The following CDH13 variants were observed in gnomAD, a reference collection of about 807,000 sequenced individuals.
The protein encoded by CDH13 is cadherin-13.
In CDH13, 24 loss-of-function variants were observed where a neutral mutation model predicts 63.8. The ratio of observed to expected loss-of-function variants is 0.38; its 90% CI spans 0.27 to 0.53. The LOEUF (loss-of-function observed/expected upper bound fraction) is 0.53, where lower values mean the gene tolerates loss of function less well. Ranked by LOEUF, CDH13 falls within the 20% of genes least tolerant of loss-of-function variation. CDH13 has a pLI of 0.85. For missense variants in CDH13, 1,049 were observed against 903.1 expected, an observed-to-expected ratio of 1.16 and a Z score of -2.07; for synonymous variants, 503 against 355.3, an observed-to-expected ratio of 1.42 and a Z score of -4.67.
intron 10 of CDH13, among the ~76,000 whole-genome samples, chr16:83,688,906 G>A (rs1050030962): frequency 1.3e-5 from 2 of 152,176 alleles, no homozygotes; most frequent in Non-Finnish European, 2.9e-5. Context: ...GATTTTTAAA[G>A]TTTTAAGGGC....
At chr16:83,628,433 C>T (rs1259084860) in intron 8 of CDH13, among the ~76,000 whole-genome samples, 1 of 152,142 alleles carries the variant, frequency 6.6e-6, no homozygotes, top group Non-Finnish European at 1.5e-5. Flanking sequence ...TTATGTTTGT[C>T]ACATCGCTCT....
intron 4 of CDH13, among the ~76,000 whole-genome samples, chr16:83,136,279 C>T (rs1343133580): frequency 1.3e-5 from 2 of 151,480 alleles, no homozygotes; most frequent in African/African-American, 2.4e-5. Context: ...GTCAGGAGAT[C>T]GAGACCATCC....
chr16:83,160,300 A>C (rs1409292255), intron 4 of CDH13, among the ~76,000 whole-genome samples: 3 of 152,002 alleles, frequency 2.0e-5, no homozygotes, highest in Non-Finnish European at 4.4e-5. Context: ...GTATATGAGA[A>C]ATCTCTGTAG....
intron 2 of CDH13, among the ~76,000 whole-genome samples, chr16:82,962,600 G>A (rs12923390): frequency 0.2 from 30,872 of 152,068 alleles, 4,086 homozygotes; most frequent in East Asian, 0.3. Context: ...GGAGTAGGAA[G>A]GTCTAGAAGA....
At chr16:83,079,991 C>T (rs144068626) in intron 3 of CDH13, among the ~76,000 whole-genome samples, 8 of 152,298 alleles carry the variant, frequency 5.3e-5, no homozygotes, top group East Asian at 1.9e-4. Flanking sequence ...AGTACTTTCA[C>T]GTTTGGACTA....
At chr16:83,581,216 T>C (rs1905567318) in intron 7 of CDH13, among the ~76,000 whole-genome samples, 1 of 152,220 alleles carries the variant, frequency 6.6e-6, no homozygotes, top group African/African-American at 2.4e-5. Context: ...GTATGGTCTC[T>C]GCCCTTCCGA....
intron 2 of CDH13, among the ~76,000 whole-genome samples, chr16:83,014,790 TTG>T (rs1914565904): frequency 1.7e-5 from 1 of 57,586 alleles, no homozygotes; most frequent in Non-Finnish European, 3.4e-5. Flanking sequence ...ATATATATAT[TTG>T]TATATATATA....
At chr16:83,180,216 C>G (rs2038294695) in intron 4 of CDH13, among the ~76,000 whole-genome samples, 1 of 151,946 alleles carries the variant, frequency 6.6e-6, no homozygotes, top group African/African-American at 2.4e-5. Context: ...AGCCCTAAAT[C>G]AATCAACATA....
intron 3 of CDH13, among the ~76,000 whole-genome samples, chr16:83,078,207 C>T (rs774924556): frequency 1.3e-5 from 2 of 152,138 alleles, no homozygotes; most frequent in East Asian, 1.9e-4. Context: ...TCTCTTCTAT[C>T]TGGATTTTCC....
intron 1 of CDH13, among the ~76,000 whole-genome samples, chr16:82,771,479 G>A (rs755251963): frequency 9.9e-5 from 15 of 152,164 alleles, no homozygotes; most frequent in East Asian, 3.9e-4. Flanking sequence ...CTATTCTGCC[G>A]TCAGCATTAC....
chr16:83,384,418 C>A (rs140847399), intron 6 of CDH13, among the ~76,000 whole-genome samples: 1 of 152,060 alleles, frequency 6.6e-6, no homozygotes, highest in Admixed American at 6.6e-5. Context: ...ACTACCGAGG[C>A]GAATTTATGG....
chr16:83,547,294 G>T (rs1364440189), intron 7 of CDH13, among the ~76,000 whole-genome samples: 1 of 152,224 alleles, frequency 6.6e-6, no homozygotes, highest in African/African-American at 2.4e-5. Context: ...AGTGGCTGTT[G>T]TTGTTTAATC....
chr16:83,188,452 C>G (rs568198437), intron 4 of CDH13, among the ~76,000 whole-genome samples: 1 of 152,206 alleles, frequency 6.6e-6, no homozygotes, highest in South Asian at 2.1e-4. Flanking sequence ...AACTGTCATG[C>G]ATTCTTTTTG....
intron 8 of CDH13, among the ~76,000 whole-genome samples, chr16:83,655,727 C>G (rs1912809010): frequency 6.6e-6 from 1 of 152,184 alleles, no homozygotes; most frequent in Non-Finnish European, 1.5e-5. Context: ...TCAGTGAAGA[C>G]TCCCAAACAC....
chr16:83,392,524 T>A (rs546587604), intron 6 of CDH13, among the ~76,000 whole-genome samples: 2 of 152,290 alleles, frequency 1.3e-5, no homozygotes, highest in South Asian at 4.2e-4. Flanking sequence ...TCCAAAACTG[T>A]TTCTTTGTGA....
intron 5 of CDH13, among the ~76,000 whole-genome samples, chr16:83,329,176 A>G (rs2090430714): frequency 6.6e-6 from 1 of 152,206 alleles, no homozygotes; most frequent in Non-Finnish European, 1.5e-5. Context: ...AGAAATCTGC[A>G]TTCTTGCAGT....
At chr16:83,524,714 A>T (rs2074919154) in intron 7 of CDH13, among the ~76,000 whole-genome samples, 1 of 151,962 alleles carries the variant, frequency 6.6e-6, no homozygotes, top group African/African-American at 2.4e-5. Context: ...GGCCTTCCAA[A>T]GTGCTGGGAT....
chr16:83,778,461 C>G (rs184787128), intron 11 of CDH13, among the ~76,000 whole-genome samples: 33 of 150,866 alleles, frequency 2.2e-4, no homozygotes, highest in Non-Finnish European at 4.4e-4. Flanking sequence ...ACCGAGGAGG[C>G]AGAGGTTGCA....
intron 5 of CDH13, among the ~76,000 whole-genome samples, chr16:83,267,663 CTCA>C (rs1365166682): frequency 7.9e-5 from 12 of 152,198 alleles, no homozygotes; most frequent in Admixed American, 6.5e-4. Context: ...TGCAAGCTCA[CTCA>C]TCATATGATG....
Sources: allele counts gnomAD v4.1 joint callset (sites outside exome capture counted in the v4.1 genomes callset), GRCh38; gene constraint gnomAD v4.1.1; transcripts MANE v1.5; gene names NCBI Gene and HGNC (gene_info 2026-07-23, HGNC 2026-07-21).